Variants in AHCTF1 observed in about 807,000 individuals in gnomAD.
AHCTF1 encodes AT-hook containing transcription factor 1.
A neutral mutation model predicts 248.4 loss-of-function variants in AHCTF1; 24 were observed. The ratio of observed to expected loss-of-function variants is 0.10; its 90% CI spans 0.07 to 0.14. The LOEUF (loss-of-function observed/expected upper bound fraction) is 0.14, where lower values mean the gene tolerates loss of function less well. AHCTF1 is among the 10% of genes least tolerant of loss of function. The probability of loss-of-function intolerance (pLI) is 1.00; values close to 1 mark genes in which losing one functional copy is unlikely to be tolerated. For missense variants in AHCTF1, 2,206 were observed against 2,636.2 expected (o/e 0.84, Z 3.57); for synonymous variants, 786 against 929.8 (o/e 0.85, Z 2.81).
chr1:246,911,686 G>A (rs900732161), intron 4 of AHCTF1, among the ~76,000 whole-genome samples: 15 of 152,014 alleles, frequency 9.9e-5, no homozygotes, highest in Non-Finnish European at 1.9e-4. Context: ...GTTTCTCCAT[G>A]TTGGTCAGGC....
Position 246,866,950 on chromosome 1 carries a change from T to C in AHCTF1, c.3347+294A>G, listed in dbSNP as rs1472277. Reference sequence around the variant, plus strand: ...ATTAAGTATAAAAACAACCCTCATTTAGAGGTCTACTAACAAGCAGGTAAC... The same window carrying C: ...ATTAAGTATAAAAACAACCCTCATTCAGAGGTCTACTAACAAGCAGGTAAC... On this transcript the variant is annotated intron_variant, in intron 26 of 35. Coordinates refer to ENST00000648844, the MANE Select transcript of AHCTF1 (RefSeq NM_001323342.2). 5.7e-3 allele frequency among the ~76,000 whole-genome samples: 862 copies of C among 152,274 alleles called. 10 individuals are homozygous for C. Among genetic ancestry groups the C allele is most frequent in the African/African-American group, 0.02 (818 of 41,564 alleles).
intron 33 of AHCTF1, among the ~76,000 whole-genome samples, chr1:246,849,337 C>T (rs1397310096): frequency 6.6e-6 from 1 of 152,078 alleles, no homozygotes; most frequent in Non-Finnish European, 1.5e-5. Flanking sequence ...AATTAAAAGT[C>T]ACTTATAATT....
intron 1 of AHCTF1, among the ~76,000 whole-genome samples, chr1:246,919,314 T>G (rs1666356471): frequency 6.6e-6 from 1 of 152,054 alleles, no homozygotes; most frequent in African/African-American, 2.4e-5. Flanking sequence ...ACAGGATGGG[T>G]ACAATAAAGC....
chr1:246,858,809 A>AT (rs1661299663), intron 29 of AHCTF1, among the ~76,000 whole-genome samples: 1 of 152,050 alleles, frequency 6.6e-6, no homozygotes, highest in Admixed American at 6.5e-5. Context: ...CAAAAAAAAA[A>AT]AAAAATAAAT....
intron 18 of AHCTF1, 56 bp downstream of exon 18, chr1:246,888,338 C>G: frequency 6.2e-7 from 1 of 1,611,938 alleles, no homozygotes; most frequent in Non-Finnish European, 8.5e-7. Flanking sequence ...CTAAGCATGT[C>G]TCCTCCCTCC....
chr1:246,911,418 T>C (rs1211055324), intron 4 of AHCTF1, among the ~76,000 whole-genome samples: 1 of 152,108 alleles, frequency 6.6e-6, no homozygotes, highest in African/African-American at 2.4e-5. Flanking sequence ...AAAAATTTTA[T>C]TAATCAATCA....
intron 21 of AHCTF1, among the ~76,000 whole-genome samples, chr1:246,879,794 C>T (rs1399702548): frequency 6.6e-6 from 1 of 151,988 alleles, no homozygotes; most frequent in African/African-American, 2.4e-5. Context: ...GCTCCACTAA[C>T]TCCAGCCTGG....
intron 14 of AHCTF1, among the ~76,000 whole-genome samples, chr1:246,892,413 C>A (rs1390867818): frequency 1.4e-5 from 2 of 144,222 alleles, no homozygotes; most frequent in Non-Finnish European, 3.0e-5. Flanking sequence ...CTCTACCTCC[C>A]AGGTTCAAGG....
intron 21 of AHCTF1, among the ~76,000 whole-genome samples, chr1:246,878,980 T>C (rs1663195665): frequency 6.6e-6 from 1 of 152,272 alleles, no homozygotes; most frequent in South Asian, 2.1e-4. Flanking sequence ...ATATAGTCAT[T>C]TTTCCCTAAA....
In AHCTF1 at chr1:246,867,850, A is replaced by G. The variant is rs182073822; in HGVS notation, c.3089-39T>C. 1.5e-4 allele frequency: 236 copies of G among 1,545,016 alleles called. 1 individual carries two copies. In the African/African-American group the frequency reaches 3.0e-3, roughly 19 times the overall value. ...AACGCTGGAATTAAGTGCATCTCTAACAAACGGGAATTTAATAAAAGCATA... is the reference window on the plus strand; with the variant it reads ...AACGCTGGAATTAAGTGCATCTCTAGCAAACGGGAATTTAATAAAAGCATA... On this transcript the variant is annotated intron_variant, in intron 24 of 35. Coordinates refer to ENST00000648844, the MANE Select transcript of AHCTF1 (RefSeq NM_001323342.2).
intron 13 of AHCTF1, among the ~76,000 whole-genome samples, chr1:246,895,210 A>G (rs1205147109): frequency 6.6e-6 from 1 of 152,210 alleles, no homozygotes; most frequent in Non-Finnish European, 1.5e-5. Context: ...TGGGATTTCA[A>G]TAAGGTCTCT....
intron 24 of AHCTF1, 25 bp downstream of exon 24, chr1:246,876,012 T>C (rs1401822349): frequency 2.8e-5 from 44 of 1,564,844 alleles, no homozygotes; most frequent in Admixed American, 3.7e-5. Context: ...CAATAGATTA[T>C]GATATTCTTC....
rs74163502 is a variant in AHCTF1, at chr1:246,892,301, C to CTTTTTTTTTTTTTT, written c.1805-396_1805-383dup. 7.7e-5 allele frequency among the ~76,000 whole-genome samples: 5 copies of CTTTTTTTTTTTTTT among 64,966 alleles called. 1 individual carries two copies. The highest frequency in any genetic ancestry group is 1.1e-4 in the Non-Finnish European group (4 of 37,160). 42.6% of individuals were successfully genotyped at this position (64,966 alleles called of 152,430 possible). On this transcript the variant is annotated intron_variant, in intron 14 of 35. Coordinates refer to ENST00000648844, the MANE Select transcript of AHCTF1 (RefSeq NM_001323342.2). The stretch of plus-strand genomic sequence containing the variant: ...TTAAATCAAATTCTAATTTGTTTTA[C>CTTTTTTTTTTTTTT]TTTTTTTTTTTTTTTTTTTTTTTTT...
intron 31 of AHCTF1, among the ~76,000 whole-genome samples, chr1:246,854,102 A>C (rs1572366748): frequency 6.6e-6 from 1 of 152,082 alleles, no homozygotes; most frequent in African/African-American, 2.4e-5. Context: ...GATCGAGACC[A>C]CCCTGGCTAA....
intron 3 of AHCTF1, among the ~76,000 whole-genome samples, chr1:246,913,858 GA>G (rs1665971540): frequency 6.6e-6 from 1 of 152,122 alleles, no homozygotes; most frequent in Admixed American, 6.6e-5. Context: ...GCTACTCTAG[GA>G]TTCTATGGCC....
At chr1:246,868,069 TCTC>T (rs1355275715) in intron 24 of AHCTF1, among the ~76,000 whole-genome samples, 2 of 151,700 alleles carry the variant, frequency 1.3e-5, no homozygotes, top group Non-Finnish European at 2.9e-5. Flanking sequence ...TTCAAGCGAT[TCTC>T]CTGCCTCAGC....
At chr1:246,903,411 C>T (rs1332019322) in intron 7 of AHCTF1, among the ~76,000 whole-genome samples, 7 of 152,160 alleles carry the variant, frequency 4.6e-5, no homozygotes, top group Non-Finnish European at 1.0e-4. Context: ...AGTCCAGTCC[C>T]CTCATTGTAG....
intron 10 of AHCTF1, 39 bp downstream of exon 10, chr1:246,900,026 A>G: frequency 1.3e-6 from 2 of 1,546,358 alleles, no homozygotes; most frequent in Non-Finnish European, 1.8e-6. Context: ...ACTTTTGTGC[A>G]TTACTTTTCT....
At chr1:246,852,877 C>T (rs555433194) in intron 32 of AHCTF1, among the ~76,000 whole-genome samples, 3 of 152,148 alleles carry the variant, frequency 2.0e-5, no homozygotes, top group Admixed American at 6.5e-5. Flanking sequence ...GGGCACCCGC[C>T]ACAGCACCCA....
Sources: gnomAD v4.1 joint callset for allele counts (sites outside exome capture counted in the v4.1 genomes callset) on GRCh38, gnomAD v4.1.1 for gene constraint, MANE v1.5 for transcripts, NCBI Gene and HGNC (gene_info 2026-07-23, HGNC 2026-07-21) for gene names.